Variants in MECOM observed in about 807,000 individuals in gnomAD.
The protein encoded by MECOM is MDS1 and EVI1 complex locus, also known as histone-lysine N-methyltransferase MECOM.
A neutral mutation model predicts 116.3 loss-of-function variants in MECOM; 13 were observed. That is an observed-to-expected ratio of 0.11 (90% confidence interval 0.07 to 0.18). The LOEUF is 0.18. Ranked by LOEUF, MECOM falls within the 10% of genes least tolerant of loss-of-function variation. MECOM has a pLI of 1.00. For missense variants in MECOM, 1,299 were observed against 1,509.0 expected (o/e 0.86, Z 2.31); for synonymous variants, 528 against 535.2 (o/e 0.99, Z 0.19).
chr3:169,093,691 T>C (rs1489927536), intron 13 of MECOM, among the ~76,000 whole-genome samples: 2 of 152,184 alleles, frequency 1.3e-5, no homozygotes, highest in Admixed American at 1.3e-4. Flanking sequence ...GATCTTCCCC[T>C]TCCTTGCCTA....
intron 1 of MECOM, among the ~76,000 whole-genome samples, chr3:169,576,486 C>A (rs1481202452): frequency 1.3e-5 from 2 of 152,052 alleles, no homozygotes; most frequent in East Asian, 3.9e-4. Context: ...TTTTATTCAG[C>A]CAGCGTAAGG....
At chr3:169,261,675 T>C (rs1014226520) in intron 2 of MECOM, among the ~76,000 whole-genome samples, 2 of 151,516 alleles carry the variant, frequency 1.3e-5, no homozygotes, top group African/African-American at 4.9e-5. Context: ...CACTCCAGCC[T>C]GAGCAACAAG....
At chr3:169,544,178 G>C in intron 1 of MECOM, among the ~76,000 whole-genome samples, 1 of 152,168 alleles carries the variant, frequency 6.6e-6, no homozygotes, top group East Asian at 1.9e-4. Flanking sequence ...TGACTTAACT[G>C]GTTACTAACT....
intron 2 of MECOM, among the ~76,000 whole-genome samples, chr3:169,210,771 C>T (rs943342995): frequency 2.6e-5 from 4 of 152,112 alleles, no homozygotes; most frequent in Non-Finnish European, 2.9e-5. Context: ...TCAGTTTCCC[C>T]TTTTCCACCC....
At chr3:169,244,328 C>T (rs921524039) in intron 2 of MECOM, among the ~76,000 whole-genome samples, 2 of 152,112 alleles carry the variant, frequency 1.3e-5, no homozygotes, top group Non-Finnish European at 2.9e-5. Flanking sequence ...TAGACATAGC[C>T]CCGAGGCATG....
At chr3:169,147,251 G>A in intron 2 of MECOM, 4 of 985,562 alleles carry the variant, frequency 4.1e-6, no homozygotes, top group Non-Finnish European at 4.8e-6. Context: ...AAAAGGTGGG[G>A]GGCCTGGGGA....
intron 1 of MECOM, among the ~76,000 whole-genome samples, chr3:169,599,609 T>C (rs1767582954): frequency 6.6e-6 from 1 of 152,108 alleles, no homozygotes; most frequent in African/African-American, 2.4e-5. Context: ...AATAAGCTGG[T>C]TCCCAATATA....
At chr3:169,452,030 T>C (rs1284454522) in intron 1 of MECOM, among the ~76,000 whole-genome samples, 5 of 151,936 alleles carry the variant, frequency 3.3e-5, no homozygotes, top group Non-Finnish European at 7.4e-5. Flanking sequence ...TAGTAATGCT[T>C]TTTTATATAT....
chr3:169,646,417 C>T (rs1329570273), intron 1 of MECOM, among the ~76,000 whole-genome samples: 2 of 151,760 alleles, frequency 1.3e-5, no homozygotes, highest in Admixed American at 1.3e-4. Context: ...ACATATGTAA[C>T]AAAACTGCAC....
chr3:169,186,019 T>C (rs1455915777), intron 2 of MECOM, among the ~76,000 whole-genome samples: 5 of 152,116 alleles, frequency 3.3e-5, no homozygotes, highest in Admixed American at 3.3e-4. Flanking sequence ...TAGACAATAT[T>C]CCCTCAAGGA....
intron 2 of MECOM, among the ~76,000 whole-genome samples, chr3:169,372,675 T>A (rs1237452998): frequency 6.6e-6 from 1 of 152,024 alleles, no homozygotes; most frequent in Non-Finnish European, 1.5e-5. Flanking sequence ...AGATCTGCAT[T>A]TTAGCCAAGC....
chr3:169,355,132 C>T (rs2149812981), intron 2 of MECOM, among the ~76,000 whole-genome samples: 1 of 152,064 alleles, frequency 6.6e-6, no homozygotes, highest in African/African-American at 2.4e-5. Flanking sequence ...TCTGAGCAGA[C>T]AGATGAAATT....
chr3:169,579,014 C>G (rs1764819923), intron 1 of MECOM, among the ~76,000 whole-genome samples: 1 of 152,160 alleles, frequency 6.6e-6, no homozygotes, highest in Non-Finnish European at 1.5e-5. Flanking sequence ...AGCTGCACAA[C>G]ATTGTATGTT....
intron 2 of MECOM, among the ~76,000 whole-genome samples, chr3:169,218,495 G>A (rs1751697184): frequency 6.6e-6 from 1 of 152,098 alleles, no homozygotes; most frequent in South Asian, 2.1e-4. Flanking sequence ...ATCACAAAAG[G>A]ACACTTCCCT....
intron 1 of MECOM, among the ~76,000 whole-genome samples, chr3:169,502,903 C>A (rs1463904794): frequency 6.6e-6 from 1 of 152,140 alleles, no homozygotes. Context: ...TCAATGCCTA[C>A]TGTTGACTAA....
chr3:169,173,577 C>T (rs1016381728), intron 2 of MECOM, among the ~76,000 whole-genome samples: 1 of 152,138 alleles, frequency 6.6e-6, no homozygotes, highest in Non-Finnish European at 1.5e-5. Context: ...TCTCAGATCC[C>T]AAATCCAGCC....
chr3:169,625,839 A>G (rs1771303509), intron 1 of MECOM, among the ~76,000 whole-genome samples: 1 of 152,232 alleles, frequency 6.6e-6, no homozygotes, highest in African/African-American at 2.4e-5. Flanking sequence ...ATCAGAAATT[A>G]TTCCCACATT....
At chr3:169,280,306 T>C (rs1486842382) in intron 2 of MECOM, among the ~76,000 whole-genome samples, 1 of 152,206 alleles carries the variant, frequency 6.6e-6, no homozygotes, top group Non-Finnish European at 1.5e-5. Flanking sequence ...TCCAGGCAAA[T>C]ATCCAAGCCT....
intron 2 of MECOM, among the ~76,000 whole-genome samples, chr3:169,263,123 A>G (rs1488083652): frequency 6.3e-3 from 123 of 19,638 alleles, no homozygotes; most frequent in Non-Finnish European, 7.8e-3. Flanking sequence ...ATATATATAT[A>G]TATATGTTTT....
Sources: gnomAD v4.1 joint callset for allele counts (sites outside exome capture counted in the v4.1 genomes callset) on GRCh38, gnomAD v4.1.1 for gene constraint, MANE v1.5 for transcripts, NCBI Gene and HGNC (gene_info 2026-07-23, HGNC 2026-07-21) for gene names.